PDZD2: variants seen among roughly 807,000 people sequenced by gnomAD.
PDZD2 encodes PDZ domain-containing protein 2.
A neutral mutation model predicts 220.7 loss-of-function variants in PDZD2; 90 were observed. The ratio of observed to expected loss-of-function variants is 0.41; its 90% CI spans 0.34 to 0.49. The LOEUF is 0.49. PDZD2 is among the 20% of genes least tolerant of loss of function. The pLI is 0.28. For missense variants in PDZD2, 3,174 were observed against 3,608.5 expected (o/e 0.88, Z 3.08); for synonymous variants, 1,375 against 1,450.5 (o/e 0.95, Z 1.18).
intron 1 of PDZD2, among the ~76,000 whole-genome samples, chr5:31,779,181 C>A (rs1476633808): frequency 2.6e-5 from 4 of 152,060 alleles, no homozygotes; most frequent in Admixed American, 2.0e-4. Context: ...ACTGCACACA[C>A]CCTGCACTGC....
chr5:31,962,340 C>T (rs1322863141), intron 2 of PDZD2, among the ~76,000 whole-genome samples: 1 of 152,136 alleles, frequency 6.6e-6, no homozygotes, highest in African/African-American at 2.4e-5. Context: ...CTTTTGAGAA[C>T]AGGTGGTGCC....
intron 1 of PDZD2, among the ~76,000 whole-genome samples, chr5:31,651,634 A>ATTTTT (rs1561363695): frequency 1.3e-4 from 20 of 149,176 alleles, no homozygotes; most frequent in African/African-American, 5.1e-4. Flanking sequence ...TTATTTATTT[A>ATTTTT]TTTATTTATT....
At chr5:31,726,915 G>T (rs1021559404) in intron 1 of PDZD2, among the ~76,000 whole-genome samples, 5 of 152,190 alleles carry the variant, frequency 3.3e-5, no homozygotes, top group Non-Finnish European at 7.3e-5. Context: ...AGGAAGCATG[G>T]TGCCAACATC....
intron 13 of PDZD2, among the ~76,000 whole-genome samples, chr5:32,060,752 T>C (rs1158561880): frequency 6.6e-6 from 1 of 152,242 alleles, no homozygotes; most frequent in African/African-American, 2.4e-5. Context: ...GTCCTTATTA[T>C]CAATTTTATT....
intron 1 of PDZD2, among the ~76,000 whole-genome samples, chr5:31,767,390 TGAA>T (rs1752090916): frequency 6.6e-6 from 1 of 152,222 alleles, no homozygotes; most frequent in Admixed American, 6.5e-5. Flanking sequence ...AATGATGCCT[TGAA>T]GAAGACCATG....
At chr5:32,084,212 A>G (rs1223504846) in intron 19 of PDZD2, among the ~76,000 whole-genome samples, 4 of 152,206 alleles carry the variant, frequency 2.6e-5, no homozygotes, top group Admixed American at 6.5e-5. Context: ...TACGGTCTCC[A>G]TGGGGATCTC....
At chr5:31,751,879 G>A (rs1412216372) in intron 1 of PDZD2, among the ~76,000 whole-genome samples, 1 of 151,820 alleles carries the variant, frequency 6.6e-6, no homozygotes, top group Non-Finnish European at 1.5e-5. Flanking sequence ...GGGAGGAGGT[G>A]GGAACAGAAT....
intron 1 of PDZD2, among the ~76,000 whole-genome samples, chr5:31,651,585 C>T (rs16901345): frequency 1.3e-5 from 2 of 152,102 alleles, no homozygotes; most frequent in African/African-American, 2.4e-5. Flanking sequence ...TGGTTAAAAT[C>T]TGTGCTGAAA....
intron 1 of PDZD2, among the ~76,000 whole-genome samples, chr5:31,727,528 GTC>G (rs1749225939): frequency 6.6e-6 from 1 of 150,584 alleles, no homozygotes; most frequent in Non-Finnish European, 1.5e-5. Context: ...GTGAAACCAT[GTC>G]TCTACTAAAA....
intron 8 of PDZD2, 168 bp from the exon 9 acceptor site, chr5:32,052,443 G>T (rs1272400347): frequency 1.6e-6 from 1 of 612,752 alleles, no homozygotes; most frequent in Non-Finnish European, 2.9e-6. Context: ...ACGGTGCCCA[G>T]CACCTGCGAT....
chr5:32,048,499 G>A (rs779632412), intron 7 of PDZD2, 40 bp from the exon 8 acceptor site: 3 of 1,571,802 alleles, frequency 1.9e-6, no homozygotes, highest in Admixed American at 3.4e-5. Flanking sequence ...GATTCTTTTT[G>A]TCCCATATCA....
At chr5:31,674,711 G>T (rs1169301455) in intron 1 of PDZD2, among the ~76,000 whole-genome samples, 3 of 152,212 alleles carry the variant, frequency 2.0e-5, no homozygotes, top group Non-Finnish European at 4.4e-5. Flanking sequence ...AAGTTGGAGA[G>T]GGAACAAGTC....
chr5:31,906,021 T>C (rs1315787815), intron 2 of PDZD2, among the ~76,000 whole-genome samples: 4 of 148,688 alleles, frequency 2.7e-5, no homozygotes, highest in Non-Finnish European at 6.0e-5. Context: ...TTTATTTTTA[T>C]TTTTATTATT....
chr5:32,022,038 G>A (rs888556174), intron 6 of PDZD2, among the ~76,000 whole-genome samples: 2 of 152,114 alleles, frequency 1.3e-5, no homozygotes, highest in Admixed American at 6.6e-5. Flanking sequence ...TGACATCTCC[G>A]TCCACACTCA....
chr5:31,804,443 A>G (rs1276009354), intron 2 of PDZD2, among the ~76,000 whole-genome samples: 3 of 152,188 alleles, frequency 2.0e-5, no homozygotes, highest in Admixed American at 2.0e-4. Flanking sequence ...AAGAAGTACC[A>G]TTTATTGAGC....
At chr5:31,819,015 G>A (rs887189391) in intron 2 of PDZD2, among the ~76,000 whole-genome samples, 4 of 152,200 alleles carry the variant, frequency 2.6e-5, no homozygotes, top group African/African-American at 9.6e-5. Context: ...AGGACAGTGA[G>A]TGAAAAGTTT....
intron 2 of PDZD2, among the ~76,000 whole-genome samples, chr5:31,955,729 T>G (rs1026948851): frequency 2.7e-5 from 4 of 150,568 alleles, no homozygotes; most frequent in African/African-American, 9.7e-5. Context: ...AGATCAAAAG[T>G]TAGGTTATTT....
chr5:31,660,398 T>C (rs575126954), intron 1 of PDZD2, among the ~76,000 whole-genome samples: 61 of 152,298 alleles, frequency 4.0e-4, no homozygotes, highest in Middle Eastern at 3.4e-3. Context: ...CTCACACTGC[T>C]ATGAAGAAAT....
chr5:31,855,812 T>C (rs531941129), intron 2 of PDZD2, among the ~76,000 whole-genome samples: 3 of 152,210 alleles, frequency 2.0e-5, no homozygotes, highest in Non-Finnish European at 2.9e-5. Flanking sequence ...TATTTAAAGA[T>C]GCAGGATGTT....
Sources: gnomAD v4.1 joint callset for allele counts (sites outside exome capture counted in the v4.1 genomes callset) on GRCh38, gnomAD v4.1.1 for gene constraint, MANE v1.5 for transcripts, NCBI Gene and HGNC (gene_info 2026-07-23, HGNC 2026-07-21) for gene names.